DLGAP2: variants seen among roughly 807,000 people sequenced by gnomAD.
The protein encoded by DLGAP2 is disks large-associated protein 2.
A neutral mutation model predicts 100.3 loss-of-function variants in DLGAP2; 26 were observed. The ratio of observed to expected loss-of-function variants is 0.26; its 90% confidence interval spans 0.19 to 0.36. DLGAP2 has a LOEUF of 0.36. Ranked by LOEUF, DLGAP2 falls within the 10% of genes least tolerant of loss-of-function variation. DLGAP2 has a pLI of 1.00. For missense variants in DLGAP2, 1,858 were observed against 1,453.2 expected, an observed-to-expected ratio of 1.28 and a Z score of -4.53; for synonymous variants, 886 against 630.1, an observed-to-expected ratio of 1.41 and a Z score of -6.08.
intron 5 of DLGAP2, among the ~76,000 whole-genome samples, chr8:1,553,295 C>T (rs758455942): frequency 2.6e-5 from 4 of 152,338 alleles, no homozygotes; most frequent in Non-Finnish European, 5.9e-5. Context: ...CACCTGGCGT[C>T]GCCCGGCCGC....
At chr8:1,019,097 A>G (rs1228699627) in intron 2 of DLGAP2, 1 of 152,198 alleles carries the variant, frequency 6.6e-6, no homozygotes. Flanking sequence ...CTGGTCATGC[A>G]CCATGCCAGC....
chr8:838,433 T>C (rs1356445077), intron 1 of DLGAP2, among the ~76,000 whole-genome samples: 1 of 151,930 alleles, frequency 6.6e-6, no homozygotes, highest in Non-Finnish European at 1.5e-5. Context: ...TTATTTTTAG[T>C]GCTCCCTGAA....
intron 3 of DLGAP2, among the ~76,000 whole-genome samples, chr8:1,490,259 C>A (rs1799341844): frequency 6.6e-6 from 1 of 152,170 alleles, no homozygotes; most frequent in Non-Finnish European, 1.5e-5. Flanking sequence ...ATACCCAGAA[C>A]AAGTGTCAGC....
In DLGAP2 at chr8:1,281,907, T is replaced by C. The variant is rs555658169; in HGVS notation, c.106+23024T>C. 2.9e-4 allele frequency among the ~76,000 whole-genome samples: 44 copies of C among 152,228 alleles called. 1 individual carries two copies. The highest frequency in any genetic ancestry group is 2.6e-4 in the Admixed American group (4 of 15,290). Reference sequence around the variant, plus strand: ...CGTTCAAACCACAGCCAGAGGGTCATGTGATGGTGTCAGTTATTGCCGATG... The same window carrying C: ...CGTTCAAACCACAGCCAGAGGGTCACGTGATGGTGTCAGTTATTGCCGATG... On this transcript the variant is annotated intron_variant, in intron 3 of 14. Coordinates refer to ENST00000637795, the MANE Select transcript of DLGAP2 (RefSeq NM_001346810.2).
chr8:847,866 AT>A (rs111596736), intron 1 of DLGAP2, among the ~76,000 whole-genome samples: 5 of 151,224 alleles, frequency 3.3e-5, no homozygotes, highest in African/African-American at 1.2e-4. Context: ...TGTCTTTATT[AT>A]TTTTTTCCCC....
intron 2 of DLGAP2, among the ~76,000 whole-genome samples, chr8:1,117,251 C>G (rs970834324): frequency 1.3e-5 from 2 of 152,206 alleles, no homozygotes; most frequent in Non-Finnish European, 2.9e-5. Flanking sequence ...GGGGCTGTGC[C>G]CTCTCTGAGG....
intron 1 of DLGAP2, among the ~76,000 whole-genome samples, chr8:747,223 C>T (rs962081301): frequency 3.3e-5 from 5 of 151,988 alleles, no homozygotes; most frequent in Admixed American, 1.3e-4. Context: ...ACCCACAACG[C>T]GTCATACTTC....
At chr8:1,258,965 C>T (rs562161030) in intron 3 of DLGAP2, 82 bp downstream of exon 3, 53 of 1,135,856 alleles carry the variant, frequency 4.7e-5, no homozygotes, top group African/African-American at 6.4e-5. Context: ...TACCATGAAA[C>T]GTGTTGGAGA....
intron 5 of DLGAP2, among the ~76,000 whole-genome samples, chr8:1,553,882 C>T (rs1312259539): frequency 1.3e-5 from 2 of 152,186 alleles, no homozygotes; most frequent in African/African-American, 2.4e-5. Context: ...TTAAAAGTCC[C>T]ATCTCCCAGG....
intron 3 of DLGAP2, among the ~76,000 whole-genome samples, chr8:1,282,275 G>T: frequency 7.2e-6 from 1 of 138,474 alleles, no homozygotes. Flanking sequence ...TGAACCATCC[G>T]GACATGGTGT....
intron 2 of DLGAP2, among the ~76,000 whole-genome samples, chr8:1,182,173 C>G (rs79959889): frequency 0.037 from 5,661 of 152,310 alleles, 388 homozygotes; most frequent in African/African-American, 0.13. Flanking sequence ...TTCGTTTGCA[C>G]GGGGCATCTC....
intron 1 of DLGAP2, among the ~76,000 whole-genome samples, chr8:878,590 C>T (rs1197841022): frequency 1.3e-5 from 2 of 152,106 alleles, no homozygotes; most frequent in African/African-American, 4.8e-5. Flanking sequence ...TTGGTCCTCA[C>T]CAAAACTCAC....
intron 6 of DLGAP2, among the ~76,000 whole-genome samples, chr8:1,579,004 A>G (rs571940210): frequency 6.6e-6 from 1 of 152,252 alleles, no homozygotes; most frequent in Non-Finnish European, 1.5e-5. Context: ...AAATTAGCTT[A>G]TGTATTAGTG....
chr8:1,662,383 A>G (rs905887839), intron 8 of DLGAP2, among the ~76,000 whole-genome samples: 1 of 152,188 alleles, frequency 6.6e-6, no homozygotes, highest in Non-Finnish European at 1.5e-5. Context: ...GTTTTTAGGA[A>G]ACCTGGAACC....
At chr8:1,344,214 G>GTGTACTTGGGGC (rs1801502554) in intron 3 of DLGAP2, among the ~76,000 whole-genome samples, 2 of 36,672 alleles carry the variant, frequency 5.5e-5, no homozygotes, top group African/African-American at 1.7e-4. Flanking sequence ...CTGTCGTGGG[G>GTGTACTTGGGGC]CCTGTGCCGT....
At chr8:864,540 C>T (rs1021197211) in intron 1 of DLGAP2, among the ~76,000 whole-genome samples, 1 of 152,188 alleles carries the variant, frequency 6.6e-6, no homozygotes, top group South Asian at 2.1e-4. Flanking sequence ...TAAGGCCAAT[C>T]TCTGCAGTGG....
intron 4 of DLGAP2, among the ~76,000 whole-genome samples, chr8:1,510,759 A>G (rs1800133311): frequency 6.6e-6 from 1 of 152,226 alleles, no homozygotes; most frequent in Non-Finnish European, 1.5e-5. Flanking sequence ...CCTTTTGAGT[A>G]TCCACACTGC....
intron 2 of DLGAP2, among the ~76,000 whole-genome samples, chr8:1,135,093 A>C (rs971020885): frequency 6.6e-6 from 1 of 152,200 alleles, no homozygotes; most frequent in Non-Finnish European, 1.5e-5. Flanking sequence ...GTCCCTCCCC[A>C]AGGACTCTAA....
rs59732076 is a variant in DLGAP2 at position 1,211,293 on chromosome 8, G to A, written c.74-47558G>A. Among the ~76,000 whole-genome samples the A allele has an allele frequency of 7.8e-3, 1,187 of 152,318 alleles. 13 individuals are homozygous for A. The highest frequency in any genetic ancestry group is 0.027 in the African/African-American group (1,108 of 41,568). ...GGTGGCCGTGGGGACGTTGTTAAAAGTGGGTCTAATCAGTGGAGCCTGTGA... is the reference window on the plus strand; with the variant it reads ...GGTGGCCGTGGGGACGTTGTTAAAAATGGGTCTAATCAGTGGAGCCTGTGA... On this transcript the variant is annotated intron_variant, in intron 2 of 14. Transcript: ENST00000637795.
Sources: gnomAD v4.1 joint callset for allele counts (sites outside exome capture counted in the v4.1 genomes callset) on GRCh38, gnomAD v4.1.1 for gene constraint, MANE v1.5 for transcripts, NCBI Gene and HGNC (gene_info 2026-07-23, HGNC 2026-07-21) for gene names.